The following STIMATE variants were observed in gnomAD, a reference collection of about 807,000 sequenced individuals.
STIMATE encodes STIM activating enhancer, also known as store-operated calcium entry regulator STIMATE.
In STIMATE, 15 loss-of-function variants were observed where a neutral mutation model predicts 36.7. The ratio of observed to expected loss-of-function variants is 0.41; its 90% confidence interval spans 0.27 to 0.63. The LOEUF (loss-of-function observed/expected upper bound fraction) is 0.63, where lower values mean the gene tolerates loss of function less well. Among genes scored for constraint, STIMATE ranks in the 20% least tolerant of loss-of-function variants. STIMATE has a pLI of 0.32. For missense variants in STIMATE, 305 were observed against 397.3 expected (o/e 0.77, Z 1.98); for synonymous variants, 163 against 162.3 (o/e 1.00, Z -0.03).
At chr3:52,856,999 C>A (rs912361468) in intron 1 of STIMATE, among the ~76,000 whole-genome samples, 1 of 152,178 alleles carries the variant, frequency 6.6e-6, no homozygotes, top group African/African-American at 2.4e-5. Context: ...CTGTTGCAAG[C>A]CCACAGAAGA....
At chr3:52,875,697 T>C (rs1269417173) in intron 1 of STIMATE, among the ~76,000 whole-genome samples, 2 of 152,222 alleles carry the variant, frequency 1.3e-5, no homozygotes, top group African/African-American at 2.4e-5. Context: ...CCAAAGGACA[T>C]CAAAGTTGCC....
intron 1 of STIMATE, among the ~76,000 whole-genome samples, chr3:52,892,522 C>T (rs1296537139): frequency 1.3e-5 from 2 of 152,180 alleles, no homozygotes; most frequent in African/African-American, 4.8e-5. Flanking sequence ...GAAAGGACAG[C>T]GACACTGATT....
At chr3:52,850,493 C>CA (rs1384370653) in intron 3 of STIMATE, among the ~76,000 whole-genome samples, 1 of 152,158 alleles carries the variant, frequency 6.6e-6, no homozygotes, top group African/African-American at 2.4e-5. Context: ...CAATGGAAGA[C>CA]AGAGTACCTG....
intron 5 of STIMATE, among the ~76,000 whole-genome samples, chr3:52,844,315 T>C (rs1700857188): frequency 6.6e-6 from 1 of 152,262 alleles, no homozygotes; most frequent in Admixed American, 6.5e-5. Flanking sequence ...TCAAAGCTTC[T>C]GGCTGGTCTC....
At chr3:52,874,796 C>G (rs949195183) in intron 1 of STIMATE, among the ~76,000 whole-genome samples, 5 of 152,156 alleles carry the variant, frequency 3.3e-5, no homozygotes, top group African/African-American at 1.2e-4. Context: ...GAGCCAAAAT[C>G]TTGCCACTGC....
intron 1 of STIMATE, among the ~76,000 whole-genome samples, chr3:52,866,365 G>T (rs536766523): frequency 6.6e-6 from 1 of 152,220 alleles, no homozygotes; most frequent in Non-Finnish European, 1.5e-5. Flanking sequence ...GCTTGCCACC[G>T]TCTACCGCCT....
At chr3:52,854,809 A>C (rs1377756124) in intron 2 of STIMATE, among the ~76,000 whole-genome samples, 1 of 152,114 alleles carries the variant, frequency 6.6e-6, no homozygotes, top group Non-Finnish European at 1.5e-5. Flanking sequence ...TTCTGTTCTA[A>C]CTCCAGGTAG....
chr3:52,896,646 C>T (rs181007099), intron 1 of STIMATE, among the ~76,000 whole-genome samples: 1 of 152,212 alleles, frequency 6.6e-6, no homozygotes, highest in African/African-American at 2.4e-5. Context: ...AGAGATGGAA[C>T]AGGTGGGCCT....
At chr3:52,875,359 G>A (rs1281080025) in intron 1 of STIMATE, among the ~76,000 whole-genome samples, 1 of 152,122 alleles carries the variant, frequency 6.6e-6, no homozygotes, top group Non-Finnish European at 1.5e-5. Flanking sequence ...GAGGTAACAC[G>A]TGTAGCCCCT....
At chr3:52,847,326 A>G in intron 4 of STIMATE, 25 of 1,201,030 alleles carry the variant, frequency 2.1e-5, no homozygotes, top group Non-Finnish European at 2.6e-5. Flanking sequence ...AGGAGGGAAC[A>G]CATCTGTGGC....
chr3:52,883,563 T>A (rs907442779), intron 1 of STIMATE, among the ~76,000 whole-genome samples: 6 of 152,228 alleles, frequency 3.9e-5, no homozygotes, highest in Non-Finnish European at 8.8e-5. Context: ...CTCTAGGAAA[T>A]CCAATTACAC....
chr3:52,866,408 C>G (rs2336661), intron 1 of STIMATE, among the ~76,000 whole-genome samples: 131,360 of 152,262 alleles, frequency 0.86, 56,791 homozygotes, highest in East Asian at 0.96. Context: ...AGTCCCACCC[C>G]ATCTCACCTG....
chr3:52,840,698 A>ATT, intron 7 of STIMATE, 88 bp from the exon 8 acceptor site: 28 of 1,049,798 alleles, frequency 2.7e-5, no homozygotes, highest in Admixed American at 6.5e-5. Context: ...TTCAAGTCTC[A>ATT]TGTTTTTTTT....
Position 52,875,626 on chromosome 3 carries a change from T to C in STIMATE, c.161-20182A>G, listed in dbSNP as rs547744306. ...TACTTTTGATGTTGTTTTCACTCTT[T>C]GAATCTGGAAGGAAAGGGTGGGAGT... is the stretch of plus-strand genomic sequence containing the variant. On this transcript the variant is annotated intron_variant, in intron 1 of 7. Coordinates refer to ENST00000355083, the MANE Select transcript of STIMATE (RefSeq NM_198563.5). Among the ~76,000 whole-genome samples the C allele has an allele frequency of 3.3e-5, 5 of 152,318 alleles. No homozygotes were observed. The South Asian group carries it at 1.0e-3, about 32-fold the overall frequency.
intron 1 of STIMATE, among the ~76,000 whole-genome samples, chr3:52,877,315 T>C (rs542828402): frequency 1.3e-5 from 2 of 152,358 alleles, no homozygotes; most frequent in South Asian, 4.1e-4. Context: ...TCCAGGCTTG[T>C]GCTCTTGGGC....
At chr3:52,870,718 C>T (rs1003851106) in intron 1 of STIMATE, among the ~76,000 whole-genome samples, 16 of 152,150 alleles carry the variant, frequency 1.1e-4, no homozygotes, top group African/African-American at 2.2e-4. Flanking sequence ...CTTCTTCTCC[C>T]GCCTCACCAG....
chr3:52,897,279 T>G lies in STIMATE; in HGVS notation c.160+12A>C, dbSNP rs1701881986. 1 of 1,538,504 alleles carries G rather than the reference T, an allele frequency of 6.5e-7. No homozygotes were observed. Among genetic ancestry groups the G allele is most frequent in the Non-Finnish European group, 8.7e-7 (1 of 1,149,564 alleles). On this transcript the variant is annotated intron_variant, in intron 1 of 7. Transcript: ENST00000355083. ...GCAGGGCCTCCGGAGGGTCGGGGGG[T>G]CCCAGACTCACGCATTAACGTGCTG... is the stretch of plus-strand genomic sequence containing the variant.
At chr3:52,892,897 C>A (rs748587509) in intron 1 of STIMATE, among the ~76,000 whole-genome samples, 1 of 152,142 alleles carries the variant, frequency 6.6e-6, no homozygotes, top group Non-Finnish European at 1.5e-5. Context: ...AACTGGGTAT[C>A]TGAATCTAAT....
chr3:52,842,155 CTT>C (rs1700808805), intron 7 of STIMATE, among the ~76,000 whole-genome samples: 1 of 152,228 alleles, frequency 6.6e-6, no homozygotes, highest in African/African-American at 2.4e-5. Context: ...TTTGTCTCAG[CTT>C]TTCTGCAGCT....
Sources: allele counts gnomAD v4.1 joint callset (sites outside exome capture counted in the v4.1 genomes callset), GRCh38; gene constraint gnomAD v4.1.1; transcripts MANE v1.5; gene names NCBI Gene and HGNC (gene_info 2026-07-23, HGNC 2026-07-21).